EIF4E3: variants seen among roughly 807,000 people sequenced by gnomAD.
The protein encoded by EIF4E3 is eukaryotic translation initiation factor 4E family member 3.
EIF4E3 carries 26 observed loss-of-function variants against 31.7 expected under a neutral mutation model. That is an observed-to-expected ratio of 0.82 (90% CI 0.60 to 1.14). The LOEUF (loss-of-function observed/expected upper bound fraction) is 1.14. Among genes scored for constraint, EIF4E3 ranks in the 50% most tolerant of loss-of-function variants. The pLI is 0.00. For synonymous variants in EIF4E3, 128 were observed against 107.7 expected, an observed-to-expected ratio of 1.19 and a Z score of -1.17; for missense variants, 304 against 270.9, an observed-to-expected ratio of 1.12 and a Z score of -0.86.
At chr3:71,721,063 G>T (rs2049540868) in intron 1 of EIF4E3, among the ~76,000 whole-genome samples, 1 of 152,214 alleles carries the variant, frequency 6.6e-6, no homozygotes, top group Admixed American at 6.5e-5. Context: ...AGTCACTGAA[G>T]AATCAGTACT....
At chr3:71,672,012 G>A (rs775328524), downstream of EIF4E3, among the ~76,000 whole-genome samples, 3 of 152,268 alleles carry the variant, frequency 2.0e-5, no homozygotes, top group Admixed American at 1.3e-4. Context: ...TGCGCTCCCC[G>A]ATTTAGCAGA....
the EIF4E3 span, among the ~76,000 whole-genome samples, chr3:71,664,910 C>T: frequency 1.3e-5 from 2 of 152,086 alleles, no homozygotes; most frequent in African/African-American, 2.4e-5. Context: ...AACTCGAAGA[C>T]GTATGTCTAC....
At position 71,675,869 on chromosome 3, in the gene EIF4E3, AGAT is replaced by A. The variant is rs1346787770; in HGVS notation, c.*8810_*8812del. The stretch of plus-strand genomic sequence containing the variant: ...GAACAGGCTGGAGCCACAGTACCTT[AGAT>A]GTATCTTGGTTCTGCAACTGACTAC... On this transcript the variant is annotated 3_prime_UTR_variant, in exon 7 of 7. Coordinates refer to ENST00000425534, the MANE Select transcript of EIF4E3 (RefSeq NM_001134651.2). 1 of 152,232 alleles carries A rather than the reference AGAT, an allele frequency of 6.6e-6. No individual in the cohort carries two copies. Among genetic ancestry groups the A allele is most frequent in the Non-Finnish European group, 1.5e-5 (1 of 68,056 alleles). 9.4% of individuals were successfully genotyped at this position (152,232 alleles called of 1,614,324 possible). A position where few individuals can be genotyped will look rare whatever the true frequency, so the allele number is the denominator to read the frequency against.
intron 3 of EIF4E3, among the ~76,000 whole-genome samples, chr3:71,696,946 C>T (rs1454181071): frequency 6.6e-6 from 1 of 151,782 alleles, no homozygotes; most frequent in African/African-American, 2.4e-5. Context: ...TCTCGATCTC[C>T]CCACCTCGTG....
At chr3:71,715,926 G>A (rs914380059) in intron 1 of EIF4E3, among the ~76,000 whole-genome samples, 21 of 152,278 alleles carry the variant, frequency 1.4e-4, no homozygotes, top group African/African-American at 5.1e-4. Flanking sequence ...TCTTCTCCTG[G>A]TCTATCTGGC....
downstream of EIF4E3, among the ~76,000 whole-genome samples, chr3:71,672,906 C>T (rs980204998): frequency 7.9e-5 from 12 of 152,138 alleles, no homozygotes; most frequent in African/African-American, 2.9e-4. Context: ...GCAAGTAAGA[C>T]CCAGAAAACA....
At chr3:71,671,239 T>G, downstream of EIF4E3, among the ~76,000 whole-genome samples, 1 of 152,032 alleles carries the variant, frequency 6.6e-6, no homozygotes. Flanking sequence ...TCTTCTCTGC[T>G]GGAGAGCAGA....
downstream of EIF4E3, among the ~76,000 whole-genome samples, chr3:71,673,284 G>A (rs994735345): frequency 4.6e-5 from 7 of 152,098 alleles, no homozygotes; most frequent in Middle Eastern, 3.2e-3. Flanking sequence ...CACAGTATAA[G>A]GATCCCCATA....
the EIF4E3 span, among the ~76,000 whole-genome samples, chr3:71,664,413 G>A: frequency 6.6e-6 from 1 of 151,870 alleles, no homozygotes; most frequent in Admixed American, 6.6e-5. Flanking sequence ...GGGGTGGGGG[G>A]AGAATCATCT....
chr3:71,738,513 T>C (rs1045837509), intron 1 of EIF4E3, among the ~76,000 whole-genome samples: 1 of 152,160 alleles, frequency 6.6e-6, no homozygotes, highest in Admixed American at 6.5e-5. Flanking sequence ...AGAGTAGCTA[T>C]ATAAATATCA....
intron 1 of EIF4E3, among the ~76,000 whole-genome samples, chr3:71,746,311 C>T (rs2049872154): frequency 6.6e-6 from 1 of 152,168 alleles, no homozygotes; most frequent in African/African-American, 2.4e-5. Flanking sequence ...CAGCTTAGTG[C>T]ATTTTTGGAT....
intron 6 of EIF4E3, among the ~76,000 whole-genome samples, chr3:71,685,097 G>A (rs578209519): frequency 2.6e-5 from 4 of 152,166 alleles, no homozygotes; most frequent in African/African-American, 9.6e-5. Flanking sequence ...GAGAGGGGGT[G>A]CCTGACACAA....
rs191114135 is a variant in EIF4E3, at chr3:71,699,076, A to G, written c.344+538T>C. On this transcript the variant is annotated intron_variant, in intron 3 of 6. Coordinates refer to ENST00000425534, the MANE Select transcript of EIF4E3 (RefSeq NM_001134651.2). ...TCTCTACCAAAAATAAAAAATAAAA[A>G]ATTAGTTGGGGGTGGTGGCACACAC... 2.7e-3 allele frequency among the ~76,000 whole-genome samples: 405 copies of G among 152,088 alleles called. 3 individuals carry two copies. The highest frequency in any genetic ancestry group is 8.3e-3 in the African/African-American group (345 of 41,486).
chr3:71,659,763 C>T, the EIF4E3 span, among the ~76,000 whole-genome samples: 1 of 152,322 alleles, frequency 6.6e-6, no homozygotes, highest in South Asian at 2.1e-4. Flanking sequence ...ATTCCACATC[C>T]TGCTTCTCCA....
At chr3:71,743,401 T>C (rs1376834388) in intron 1 of EIF4E3, among the ~76,000 whole-genome samples, 1 of 152,138 alleles carries the variant, frequency 6.6e-6, no homozygotes, top group African/African-American at 2.4e-5. Context: ...ACACAAAATG[T>C]TGATAGATAA....
In EIF4E3 at chr3:71,696,443, G is replaced by T. The variant is rs759464935; in HGVS notation, c.405+17C>A. The T allele has an allele frequency of 6.2e-7, 1 of 1,613,720 alleles. No homozygotes were observed. Among genetic ancestry groups the T allele is most frequent in the Admixed American group, 1.7e-5 (1 of 59,958 alleles). ...CCAAGCCTCGCCGGTTCTAGAAGAG[G>T]ATCAGTAGGAACCTACCGTGCTGTC... On this transcript the variant is annotated intron_variant, in intron 4 of 6. Transcript: ENST00000425534.
intron 1 of EIF4E3, among the ~76,000 whole-genome samples, chr3:71,720,115 T>TA (rs879635189): frequency 5.1e-4 from 74 of 145,490 alleles, no homozygotes; most frequent in South Asian, 1.3e-3. Flanking sequence ...TAGTTTTCCT[T>TA]AAAAAAAAAA....
chr3:71,664,575 G>A, the EIF4E3 span, among the ~76,000 whole-genome samples: 1 of 152,186 alleles, frequency 6.6e-6, no homozygotes, highest in South Asian at 2.1e-4. Context: ...TTGAGAGAGA[G>A]AGAGAGGCCC....
intron 2 of EIF4E3, 59 bp from the exon 3 acceptor site, chr3:71,699,767 T>G: frequency 7.0e-7 from 1 of 1,427,756 alleles, no homozygotes; most frequent in Non-Finnish European, 9.7e-7. Flanking sequence ...ATTATGCTGC[T>G]AGATTATCAA....
Sources: allele counts gnomAD v4.1 joint callset (sites outside exome capture counted in the v4.1 genomes callset), GRCh38; gene constraint gnomAD v4.1.1; transcripts MANE v1.5; gene names NCBI Gene and HGNC (gene_info 2026-07-23, HGNC 2026-07-21).